HMGA2: variants seen among roughly 807,000 people sequenced by gnomAD.
HMGA2 encodes high mobility group protein HMGI-C.
HMGA2 carries 8 observed loss-of-function variants against 19.1 expected under a neutral mutation model. That is an observed-to-expected ratio of 0.42 (90% confidence interval 0.25 to 0.76). The LOEUF (loss-of-function observed/expected upper bound fraction) is 0.76, where lower values mean the gene tolerates loss of function less well. Ranked by LOEUF, HMGA2 falls within the 30% of genes least tolerant of loss-of-function variation. The probability of loss-of-function intolerance (pLI) is 0.28; values close to 1 mark genes in which losing one functional copy is unlikely to be tolerated. For synonymous variants in HMGA2, 60 were observed against 48.8 expected (o/e 1.23, Z -0.96); for missense variants, 109 against 136.3 (o/e 0.80, Z 1.00).
At chr12:65,862,590 A>G (rs996369070) in intron 3 of HMGA2, among the ~76,000 whole-genome samples, 1 of 152,254 alleles carries the variant, frequency 6.6e-6, no homozygotes, top group Non-Finnish European at 1.5e-5. Flanking sequence ...ACAAAAATTA[A>G]AAAAGTGTTA....
chr12:65,886,413 G>A (rs1372525171), intron 3 of HMGA2, among the ~76,000 whole-genome samples: 1 of 149,914 alleles, frequency 6.7e-6, no homozygotes, highest in Non-Finnish European at 1.5e-5. Flanking sequence ...AGGCTGGAGT[G>A]CAGTGGCGCA....
intron 3 of HMGA2, among the ~76,000 whole-genome samples, chr12:65,870,543 C>T (rs574221867): frequency 6.6e-6 from 1 of 152,136 alleles, no homozygotes; most frequent in Admixed American, 6.5e-5. Flanking sequence ...CCAGCCTGGC[C>T]ACCATGCAAA....
intron 3 of HMGA2, among the ~76,000 whole-genome samples, chr12:65,947,123 C>CTT (rs397969754): frequency 4.2e-5 from 6 of 143,884 alleles, no homozygotes; most frequent in Non-Finnish European, 3.1e-5. Flanking sequence ...ATTCTCACCA[C>CTT]TTTTTTTTTT....
intron 3 of HMGA2, among the ~76,000 whole-genome samples, chr12:65,936,542 A>G (rs541030728): frequency 6.6e-6 from 1 of 152,270 alleles, no homozygotes; most frequent in Admixed American, 6.5e-5. Flanking sequence ...TACATTGATA[A>G]TACAGAGAGA....
intron 3 of HMGA2, chr12:65,855,836 C>G (rs1320967270): frequency 2.0e-5 from 3 of 151,154 alleles, no homozygotes; most frequent in Admixed American, 2.0e-4. Flanking sequence ...ACCAAAAGCC[C>G]TGTTGGATCC....
At chr12:65,943,869 T>C (rs974613281) in intron 3 of HMGA2, among the ~76,000 whole-genome samples, 1 of 152,184 alleles carries the variant, frequency 6.6e-6, no homozygotes, top group Admixed American at 6.5e-5. Context: ...CCTAGGCTTT[T>C]TCTAGGTTCA....
intron 3 of HMGA2, chr12:65,851,551 G>A: frequency 5.7e-6 from 2 of 351,822 alleles, no homozygotes; most frequent in South Asian, 2.1e-5. Context: ...TTAGACAGCT[G>A]TGGTGGCGGG....
chr12:65,925,158 G>A (rs1875461963), intron 3 of HMGA2, among the ~76,000 whole-genome samples: 1 of 152,048 alleles, frequency 6.6e-6, no homozygotes, highest in South Asian at 2.1e-4. Context: ...AATTAATTTT[G>A]AGTAGCTCAA....
intron 4 of HMGA2, chr12:65,952,758 A>G: frequency 5.1e-6 from 1 of 197,380 alleles, no homozygotes; most frequent in Non-Finnish European, 1.0e-5. Context: ...TTTGAGTCAA[A>G]GGATGAGGCA....
intron 3 of HMGA2, among the ~76,000 whole-genome samples, chr12:65,895,441 C>T (rs112212790): frequency 0.018 from 2,785 of 152,118 alleles, 94 homozygotes; most frequent in African/African-American, 0.063. Flanking sequence ...GCCTTTGTAC[C>T]TAAAGGTTCT....
chr12:65,860,001 GA>G, intron 3 of HMGA2: 3 of 448,426 alleles, frequency 6.7e-6, no homozygotes, highest in Non-Finnish European at 1.4e-5. Context: ...GCTGAGGTGG[GA>G]AAATGCTTGA....
chr12:65,942,752 C>T (rs1876133441), intron 3 of HMGA2: 1 of 152,188 alleles, frequency 6.6e-6, no homozygotes, highest in Non-Finnish European at 1.5e-5. Context: ...GGAGCATCCC[C>T]TTAACACTAA....
intron 3 of HMGA2, among the ~76,000 whole-genome samples, chr12:65,928,852 G>A (rs1429200934): frequency 6.6e-6 from 1 of 152,102 alleles, no homozygotes; most frequent in Non-Finnish European, 1.5e-5. Flanking sequence ...ACGTCATTAT[G>A]TGGTGCATGG....
chr12:65,832,657 T>C (rs1870529090), intron 2 of HMGA2, among the ~76,000 whole-genome samples: 1 of 152,190 alleles, frequency 6.6e-6, no homozygotes, highest in Non-Finnish European at 1.5e-5. Context: ...AAGGTTTTAG[T>C]TATGAATCTT....
chr12:65,878,020 G>A (rs1055496328), intron 3 of HMGA2, among the ~76,000 whole-genome samples: 1 of 152,110 alleles, frequency 6.6e-6, no homozygotes, highest in Non-Finnish European at 1.5e-5. Context: ...GAACCTACTT[G>A]CACCCCAGCC....
rs571639427 is a variant in HMGA2, at chr12:65,885,698, C to T, written c.249+47129C>T. On this transcript the variant is annotated intron_variant, in intron 3 of 4. Transcript: ENST00000403681. Reference sequence around the variant, plus strand: ...ATGCCACGTATCTCAAGCCATTTGCCTTTGGTAAAAGTAGTTTTAAGATAG... The same window carrying T: ...ATGCCACGTATCTCAAGCCATTTGCTTTTGGTAAAAGTAGTTTTAAGATAG... Among the ~76,000 whole-genome samples the T allele has an allele frequency of 2.6e-5, 4 of 152,268 alleles. No individual in the cohort carries two copies. The South Asian group carries it at 8.3e-4, about 32-fold the overall frequency.
intron 3 of HMGA2, among the ~76,000 whole-genome samples, chr12:65,852,741 G>T (rs572803803): frequency 6.6e-6 from 1 of 152,220 alleles, no homozygotes; most frequent in East Asian, 1.9e-4. Flanking sequence ...ATTCCAACAT[G>T]AAAGGTATTG....
At chr12:65,863,059 C>A (rs920280836) in intron 3 of HMGA2, among the ~76,000 whole-genome samples, 2 of 152,182 alleles carry the variant, frequency 1.3e-5, no homozygotes, top group Admixed American at 1.3e-4. Context: ...CTAGACTGAG[C>A]TTACCACTGG....
At chr12:65,888,478 A>C (rs572663144) in intron 3 of HMGA2, among the ~76,000 whole-genome samples, 80 of 150,802 alleles carry the variant, frequency 5.3e-4, no homozygotes, top group African/African-American at 1.6e-3. Flanking sequence ...AAGAAAAGAA[A>C]AGAAACCTTA....
Sources: allele counts gnomAD v4.1 joint callset (sites outside exome capture counted in the v4.1 genomes callset), GRCh38; gene constraint gnomAD v4.1.1; transcripts MANE v1.5; gene names NCBI Gene and HGNC (gene_info 2026-07-23, HGNC 2026-07-21).